Variants in IQCM observed in about 807,000 individuals in gnomAD.
IQCM encodes IQ motif containing M.
A neutral mutation model predicts 57.6 loss-of-function variants in IQCM; 45 were observed. The ratio of observed to expected loss-of-function variants is 0.78; its 90% CI spans 0.62 to 1.00. The LOEUF (loss-of-function observed/expected upper bound fraction) is 1.00, where lower values mean the gene tolerates loss of function less well. IQCM is among the 50% of genes least tolerant of loss of function. The pLI is 0.00. For missense variants in IQCM, 468 were observed against 511.6 expected, an observed-to-expected ratio of 0.91 and a Z score of 0.82; for synonymous variants, 148 against 158.9, an observed-to-expected ratio of 0.93 and a Z score of 0.51.
intron 12 of IQCM, among the ~76,000 whole-genome samples, chr4:149,484,591 A>G (rs999279988): frequency 6.6e-6 from 1 of 152,040 alleles, no homozygotes; most frequent in Non-Finnish European, 1.5e-5. Flanking sequence ...AAAAAATTAA[A>G]AACTCTACAC....
chr4:149,431,706 T>C (rs941208941), intron 13 of IQCM, among the ~76,000 whole-genome samples: 1 of 151,994 alleles, frequency 6.6e-6, no homozygotes, highest in Non-Finnish European at 1.5e-5. Flanking sequence ...AGGTTTGCTT[T>C]TTCCAAAGTG....
At chr4:149,732,005 G>A (rs1040364277) in intron 5 of IQCM, among the ~76,000 whole-genome samples, 43 of 152,092 alleles carry the variant, frequency 2.8e-4, no homozygotes, top group African/African-American at 7.7e-4. Flanking sequence ...CCCTAATTTA[G>A]GCCCTGTCAT....
chr4:149,693,184 C>T (rs1763070341), intron 5 of IQCM, among the ~76,000 whole-genome samples: 1 of 152,112 alleles, frequency 6.6e-6, no homozygotes, highest in South Asian at 2.1e-4. Flanking sequence ...TTGCCTTTCT[C>T]CTTCATGGGC....
intron 12 of IQCM, among the ~76,000 whole-genome samples, chr4:149,528,388 T>C (rs1746391441): frequency 1.4e-5 from 2 of 144,182 alleles, no homozygotes; most frequent in Non-Finnish European, 3.1e-5. Context: ...CACTTATCAA[T>C]TCTTTGAGTT....
chr4:149,667,447 A>G (rs1445743586), intron 7 of IQCM, among the ~76,000 whole-genome samples: 1 of 152,148 alleles, frequency 6.6e-6, no homozygotes, highest in African/African-American at 2.4e-5. Flanking sequence ...CAAAGAGGAA[A>G]GGTAGATAAA....
chr4:149,788,219 A>T (rs1021318926), intron 2 of IQCM, among the ~76,000 whole-genome samples: 1 of 152,194 alleles, frequency 6.6e-6, no homozygotes, highest in Non-Finnish European at 1.5e-5. Context: ...CTGTAATCCC[A>T]GCTACTTGGA....
At chr4:149,707,014 G>A (rs1764210961) in intron 5 of IQCM, among the ~76,000 whole-genome samples, 1 of 152,004 alleles carries the variant, frequency 6.6e-6, no homozygotes, top group African/African-American at 2.4e-5. Flanking sequence ...AAAGATGTAG[G>A]AACACAGTAG....
At chr4:149,748,784 T>G in intron 2 of IQCM, 1 of 152,298 alleles carries the variant, frequency 6.6e-6, no homozygotes, top group Non-Finnish European at 1.5e-5. Flanking sequence ...ATGATCAATG[T>G]TAGATAGACC....
chr4:149,542,156 A>G (rs1747910874), intron 12 of IQCM, among the ~76,000 whole-genome samples: 1 of 152,062 alleles, frequency 6.6e-6, no homozygotes, highest in Non-Finnish European at 1.5e-5. Context: ...ATGGAGCAAT[A>G]TAATTAGACA....
chr4:149,634,995 G>T (rs1757601834), intron 7 of IQCM, among the ~76,000 whole-genome samples: 1 of 152,068 alleles, frequency 6.6e-6, no homozygotes, highest in South Asian at 2.1e-4. Flanking sequence ...TATTATCCTA[G>T]TTTTTTTACT....
intron 7 of IQCM, among the ~76,000 whole-genome samples, chr4:149,661,750 C>A (rs2150155869): frequency 6.6e-6 from 1 of 152,120 alleles, no homozygotes; most frequent in Non-Finnish European, 1.5e-5. Context: ...TAGTTGTTCA[C>A]AGTAGTCTCT....
At chr4:149,764,707 A>G (rs1465246102) in intron 2 of IQCM, among the ~76,000 whole-genome samples, 3 of 151,968 alleles carry the variant, frequency 2.0e-5, no homozygotes, top group Non-Finnish European at 4.4e-5. Context: ...CCTTTCTACA[A>G]CTCTCTAGTG....
chr4:149,787,861 C>T (rs1374442464), intron 2 of IQCM, among the ~76,000 whole-genome samples: 1 of 152,002 alleles, frequency 6.6e-6, no homozygotes, highest in Non-Finnish European at 1.5e-5. Context: ...AAAGCTTCTG[C>T]ACAGCAAAGG....
At chr4:149,558,818 C>T (rs1749839983) in intron 10 of IQCM, among the ~76,000 whole-genome samples, 1 of 152,132 alleles carries the variant, frequency 6.6e-6, no homozygotes, top group Non-Finnish European at 1.5e-5. Context: ...ACTGATAAAT[C>T]CCAAGTCTTT....
intron 10 of IQCM, among the ~76,000 whole-genome samples, chr4:149,557,662 T>C (rs2149920713): frequency 6.6e-6 from 1 of 152,178 alleles, no homozygotes; most frequent in South Asian, 2.1e-4. Flanking sequence ...AACCCCAACT[T>C]CCCACCGGCA....
intron 7 of IQCM, among the ~76,000 whole-genome samples, chr4:149,627,058 C>T (rs943834437): frequency 6.6e-6 from 1 of 152,144 alleles, no homozygotes. Context: ...AAGACAACAA[C>T]TAGGAAAGAA....
chr4:149,358,772 T>C (rs68186587), intron 13 of IQCM, among the ~76,000 whole-genome samples: 44,236 of 150,670 alleles, frequency 0.29, 6,659 homozygotes, highest in African/African-American at 0.33. Flanking sequence ...TTTTTTTGGT[T>C]GTAGGCTGGG....
At chr4:149,673,944 A>G (rs932352279) in intron 7 of IQCM, among the ~76,000 whole-genome samples, 1 of 152,110 alleles carries the variant, frequency 6.6e-6, no homozygotes, top group African/African-American at 2.4e-5. Context: ...ACTCTAAAGA[A>G]CTTTAAACCC....
intron 4 of IQCM, among the ~76,000 whole-genome samples, chr4:149,735,012 A>T (rs1027328563): frequency 3.9e-5 from 6 of 152,214 alleles, no homozygotes; most frequent in Non-Finnish European, 8.8e-5. Context: ...AAGGGTATAG[A>T]AGAGACTCAT....
Sources: gnomAD v4.1 joint callset for allele counts (sites outside exome capture counted in the v4.1 genomes callset) on GRCh38, gnomAD v4.1.1 for gene constraint, MANE v1.5 for transcripts, NCBI Gene and HGNC (gene_info 2026-07-23, HGNC 2026-07-21) for gene names.